The following SYN3 variants were observed in gnomAD, a reference collection of about 807,000 sequenced individuals.
SYN3 encodes the protein synapsin III.
A neutral mutation model predicts 65.8 loss-of-function variants in SYN3; 35 were observed. The observed-to-expected ratio is 0.53, with a 90% confidence interval of 0.41 to 0.70. The LOEUF (loss-of-function observed/expected upper bound fraction) is 0.70. Among genes scored for constraint, SYN3 ranks in the 30% least tolerant of loss-of-function variants. The pLI, the probability that SYN3 is intolerant of heterozygous loss-of-function variation, is 0.00. For missense variants in SYN3, 680 were observed against 749.0 expected, an observed-to-expected ratio of 0.91 and a Z score of 1.08; for synonymous variants, 270 against 292.9, an observed-to-expected ratio of 0.92 and a Z score of 0.80.
intron 6 of SYN3, among the ~76,000 whole-genome samples, chr22:32,737,917 C>G (rs73156440): frequency 6.6e-6 from 1 of 152,166 alleles, no homozygotes; most frequent in Non-Finnish European, 1.5e-5. Context: ...GGAGGCCATG[C>G]GCTCCAGAGG....
intron 6 of SYN3, among the ~76,000 whole-genome samples, chr22:32,777,236 C>T (rs547550836): frequency 2.6e-5 from 4 of 152,232 alleles, no homozygotes; most frequent in Admixed American, 6.5e-5. Context: ...AAGCATCCTT[C>T]GTGTCCCAGC....
intron 1 of SYN3, among the ~76,000 whole-genome samples, chr22:33,015,999 C>T (rs558942748): frequency 0.011 from 1,748 of 152,128 alleles, 17 homozygotes; most frequent in Non-Finnish European, 0.02. Context: ...CCCGCCACCA[C>T]GCCCAGCTAA....
At chr22:32,621,421 T>G (rs2059592375) in intron 6 of SYN3, among the ~76,000 whole-genome samples, 1 of 152,056 alleles carries the variant, frequency 6.6e-6, no homozygotes, top group South Asian at 2.1e-4. Flanking sequence ...TTAGGCATTT[T>G]AGAGGGGATA....
chr22:32,915,754 T>C (rs1460192592), intron 4 of SYN3, among the ~76,000 whole-genome samples: 4 of 152,158 alleles, frequency 2.6e-5, no homozygotes, highest in African/African-American at 9.7e-5. Context: ...ATAGTCAGGA[T>C]TGTGAATTTC....
intron 1 of SYN3, among the ~76,000 whole-genome samples, chr22:33,036,919 G>A (rs1247108206): frequency 1.3e-5 from 2 of 152,008 alleles, no homozygotes; most frequent in Non-Finnish European, 2.9e-5. Flanking sequence ...TTGAACTCCT[G>A]ACCTCAGGTG....
chr22:32,962,129 C>CTTTTTTTTTT (rs58025844), intron 3 of SYN3, among the ~76,000 whole-genome samples: 2 of 107,184 alleles, frequency 1.9e-5, no homozygotes, highest in African/African-American at 3.7e-5. Context: ...TTTAGAATCT[C>CTTTTTTTTTT]TTTTTTTTTT....
chr22:32,833,170 C>T (rs1002209020), intron 6 of SYN3, among the ~76,000 whole-genome samples: 10 of 152,102 alleles, frequency 6.6e-5, no homozygotes, highest in Admixed American at 5.2e-4. Flanking sequence ...TGATCGGTGG[C>T]TCCTGGGAAA....
At chr22:32,964,029 C>G (rs950913921) in intron 3 of SYN3, among the ~76,000 whole-genome samples, 1 of 152,044 alleles carries the variant, frequency 6.6e-6, no homozygotes, top group Non-Finnish European at 1.5e-5. Flanking sequence ...AGAAGGCAGG[C>G]CCTGAGGTGG....
At chr22:32,985,493 T>C (rs2052498833) in intron 2 of SYN3, among the ~76,000 whole-genome samples, 1 of 152,180 alleles carries the variant, frequency 6.6e-6, no homozygotes, top group African/African-American at 2.4e-5. Context: ...TTCCTCCTAT[T>C]TGACCCTCAT....
intron 6 of SYN3, among the ~76,000 whole-genome samples, chr22:32,690,562 C>T (rs2060648945): frequency 6.6e-6 from 1 of 152,130 alleles, no homozygotes; most frequent in African/African-American, 2.4e-5. Flanking sequence ...TCCCCTTTCC[C>T]TGTGCTCAGG....
rs1244258863 is a variant in SYN3, at chr22:32,509,585, T to C, written c.*4107A>G. ...TATTATTATTATTATTATTATTATT[T>C]TGAGACAGAGTCTCACTCTGTTGCC... On this transcript the variant is annotated 3_prime_UTR_variant, in exon 14 of 14. Coordinates refer to ENST00000358763, the MANE Select transcript of SYN3 (RefSeq NM_003490.4). Among the ~76,000 whole-genome samples, 2 of 148,488 alleles carry C rather than the reference T, an allele frequency of 1.3e-5. No homozygotes were observed. The highest frequency in any genetic ancestry group is 3.0e-5 in the Non-Finnish European group (2 of 67,334).
At chr22:32,859,626 G>T in intron 6 of SYN3, 1 of 525,248 alleles carries the variant, frequency 1.9e-6, no homozygotes, top group Non-Finnish European at 3.4e-6. Flanking sequence ...TGCCATGCCA[G>T]AAAGAATGAG....
intron 4 of SYN3, among the ~76,000 whole-genome samples, chr22:32,902,500 G>A (rs2049788296): frequency 1.3e-5 from 2 of 152,158 alleles, no homozygotes. Flanking sequence ...TTCAATCTCT[G>A]CAATCTTGTG....
intron 6 of SYN3, among the ~76,000 whole-genome samples, chr22:32,708,583 T>C (rs542497169): frequency 6.6e-6 from 1 of 152,312 alleles, no homozygotes; most frequent in African/African-American, 2.4e-5. Flanking sequence ...GGGTCTTCAA[T>C]GAGCCCTTTG....
At chr22:32,888,259 T>A (rs2049349299) in intron 4 of SYN3, among the ~76,000 whole-genome samples, 1 of 152,194 alleles carries the variant, frequency 6.6e-6, no homozygotes, top group African/African-American at 2.4e-5. Context: ...ATGTTATTAT[T>A]TTTAAGGTCA....
At chr22:32,841,087 A>G (rs1414582250) in intron 6 of SYN3, among the ~76,000 whole-genome samples, 1 of 152,188 alleles carries the variant, frequency 6.6e-6, no homozygotes, top group Non-Finnish European at 1.5e-5. Flanking sequence ...CTGTTTTTAA[A>G]TCACTCTGTG....
At chr22:32,876,141 G>A (rs140482993) in intron 4 of SYN3, among the ~76,000 whole-genome samples, 58 of 152,136 alleles carry the variant, frequency 3.8e-4, no homozygotes, top group Non-Finnish European at 6.9e-4. Flanking sequence ...GTCCAATATC[G>A]AGGCACCATC....
chr22:32,852,918 ATTG>A (rs1405410623), intron 6 of SYN3, among the ~76,000 whole-genome samples: 2 of 152,146 alleles, frequency 1.3e-5, no homozygotes, highest in African/African-American at 2.4e-5. Flanking sequence ...GCCAGGAGTT[ATTG>A]TTTATGTAGC....
intron 6 of SYN3, among the ~76,000 whole-genome samples, chr22:32,740,920 G>A (rs1325835389): frequency 6.6e-6 from 1 of 152,130 alleles, no homozygotes; most frequent in African/African-American, 2.4e-5. Flanking sequence ...TTCCAACCTT[G>A]GGCTTCTCTG....
Sources: gnomAD v4.1 joint callset for allele counts (sites outside exome capture counted in the v4.1 genomes callset) on GRCh38, gnomAD v4.1.1 for gene constraint, MANE v1.5 for transcripts, NCBI Gene and HGNC (gene_info 2026-07-23, HGNC 2026-07-21) for gene names.